Variants in NGLY1 observed in about 807,000 individuals in gnomAD.
The protein encoded by NGLY1 is peptide-N(4)-(N-acetyl-beta-glucosaminyl)asparagine amidase.
Under a neutral mutation model 84.6 loss-of-function variants are expected in NGLY1, and 68 were observed. The ratio of observed to expected loss-of-function variants is 0.80; its 90% CI spans 0.66 to 0.98. NGLY1 has a LOEUF of 0.98. Among genes scored for constraint, NGLY1 ranks in the 50% least tolerant of loss-of-function variants. NGLY1 has a pLI of 0.00. For synonymous variants in NGLY1, 280 were observed against 275.2 expected, an observed-to-expected ratio of 1.02 and a Z score of -0.17; for missense variants, 779 against 770.2, an observed-to-expected ratio of 1.01 and a Z score of -0.14.
intron 3 of NGLY1, among the ~76,000 whole-genome samples, chr3:25,762,471 G>T (rs1457885886): frequency 1.3e-5 from 2 of 152,186 alleles, no homozygotes; most frequent in Non-Finnish European, 2.9e-5. Flanking sequence ...TGAAGGACTA[G>T]AGTAGTAAGA....
At chr3:25,768,903 C>T (rs1707756943) in intron 2 of NGLY1, among the ~76,000 whole-genome samples, 2 of 151,794 alleles carry the variant, frequency 1.3e-5, no homozygotes, top group Non-Finnish European at 2.9e-5. Flanking sequence ...GGTATCACAT[C>T]AAATTAAAAA....
rs188229895 is a variant in NGLY1, at chr3:25,780,933, T to C, written c.132-2245A>G. 1.1e-4 allele frequency among the ~76,000 whole-genome samples: 17 copies of C among 152,320 alleles called. No individual in the cohort carries two copies. In the East Asian group the frequency reaches 3.1e-3, roughly 28 times the overall value. ...GATATATGTTGTTACCATTTAACTA[T>C]TGATATACAATATAGATTTTCCTCT... On this transcript the variant is annotated intron_variant, in intron 1 of 11. Coordinates refer to ENST00000280700, the MANE Select transcript of NGLY1 (RefSeq NM_018297.4).
Position 25,778,601 on chromosome 3 carries a change from T to G in NGLY1, c.219A>C (p.Glu73Asp). 1.2e-6 allele frequency: 2 copies of G among 1,611,126 alleles called. No homozygotes were observed. ...CTTCAAAGCCCATTTCAAATAAACA[T>G]TCAACAGCTCCTCTGACAGGCAAGA... ...TRLLPVRGAVECLFEMGFEEG... is the reference protein window; with the variant it reads ...TRLLPVRGAVDCLFEMGFEEG... Residue 73 changes from glutamate to aspartate, a missense_variant, in exon 2 of 12, where the codon GAA (glutamate) becomes GAC (aspartate). Physicochemically the swap from Glu to Asp is conservative, Grantham distance 45. Transcript: ENST00000280700.
rs1039639442 is a variant in NGLY1, at chr3:25,755,058, G to A, written c.493-3795C>T. On this transcript the variant is annotated intron_variant, in intron 3 of 11. Coordinates refer to ENST00000280700, the MANE Select transcript of NGLY1 (RefSeq NM_018297.4). The stretch of plus-strand genomic sequence containing the variant: ...AATCAAATTTTGGAATTTGCTTTCC[G>A]AAATGTGACTACAATTCTGGATGAT... 103 of 1,384,286 alleles carry A rather than the reference G, an allele frequency of 7.4e-5. No homozygotes were observed. In the African/African-American group the frequency reaches 9.7e-4, roughly 13 times the overall value. 85.8% of individuals were successfully genotyped at this position (1,384,286 alleles called of 1,614,324 possible).
At chr3:25,762,856 A>G (rs1407174803) in intron 3 of NGLY1, among the ~76,000 whole-genome samples, 1 of 152,194 alleles carries the variant, frequency 6.6e-6, no homozygotes, top group Non-Finnish European at 1.5e-5. Context: ...CGGGAGGCGC[A>G]GGCTATAGAA....
At chr3:25,755,467 AT>A in intron 3 of NGLY1, 1 of 1,465,000 alleles carries the variant, frequency 6.8e-7, no homozygotes, top group Non-Finnish European at 9.6e-7. Flanking sequence ...CAAGCCAAAG[AT>A]TTAACAGTGC....
intron 3 of NGLY1, among the ~76,000 whole-genome samples, chr3:25,757,280 T>C (rs1707090000): frequency 6.6e-6 from 1 of 152,192 alleles, no homozygotes; most frequent in African/African-American, 2.4e-5. Context: ...ATTACTTGAA[T>C]GTTCTCAGGG....
chr3:25,737,230 C>T, intron 6 of NGLY1, 104 bp downstream of exon 6: 2 of 976,870 alleles, frequency 2.0e-6, no homozygotes, highest in Non-Finnish European at 2.9e-6. Context: ...GAAGGTCAGA[C>T]TGACAAGGCC....
At chr3:25,781,031 T>C (rs768093042) in intron 1 of NGLY1, among the ~76,000 whole-genome samples, 8 of 152,112 alleles carry the variant, frequency 5.3e-5, no homozygotes, top group Non-Finnish European at 8.8e-5. Context: ...TAGAATGCAG[T>C]GGCATGATTA....
intron 4 of NGLY1, among the ~76,000 whole-genome samples, chr3:25,740,948 G>A (rs1433184670): frequency 5.3e-5 from 8 of 151,958 alleles, no homozygotes; most frequent in Non-Finnish European, 1.0e-4. Flanking sequence ...CCAACATGGT[G>A]AAACTTCGTC....
chr3:25,732,985 A>G (rs1016986683), intron 8 of NGLY1, among the ~76,000 whole-genome samples: 1 of 152,232 alleles, frequency 6.6e-6, no homozygotes, highest in Non-Finnish European at 1.5e-5. Flanking sequence ...TCATTTGTCA[A>G]TTATTAAGTG....
intron 2 of NGLY1, among the ~76,000 whole-genome samples, chr3:25,777,170 C>T (rs1708189929): frequency 1.3e-5 from 2 of 152,152 alleles, no homozygotes; most frequent in African/African-American, 4.8e-5. Flanking sequence ...CCAAGGCGGG[C>T]GGATCGCCTG....
chr3:25,767,291 C>CAA (rs545173545), intron 2 of NGLY1, among the ~76,000 whole-genome samples: 58 of 89,522 alleles, frequency 6.5e-4, no homozygotes, highest in African/African-American at 2.2e-3. Context: ...GACTCCGTCT[C>CAA]AAAAAAAAAA....
intron 9 of NGLY1, among the ~76,000 whole-genome samples, chr3:25,732,096 T>TA (rs1044318958): frequency 1.3e-5 from 2 of 151,996 alleles, no homozygotes; most frequent in Non-Finnish European, 2.9e-5. Context: ...TTACATAAGG[T>TA]AAAAAAAATT....
At chr3:25,721,794 C>T (rs1705009452) in intron 10 of NGLY1, among the ~76,000 whole-genome samples, 1 of 146,042 alleles carries the variant, frequency 6.8e-6, no homozygotes, top group South Asian at 2.2e-4. Flanking sequence ...AAATCCTCCA[C>T]AATTTCATCC....
intron 1 of NGLY1, chr3:25,782,634 A>G (rs1708471122): frequency 1.3e-5 from 2 of 152,288 alleles, no homozygotes; most frequent in African/African-American, 4.8e-5. Flanking sequence ...GTTATGTTAC[A>G]TAGTAGAATC....
chr3:25,774,518 C>T (rs1008058487), intron 2 of NGLY1, among the ~76,000 whole-genome samples: 1 of 151,978 alleles, frequency 6.6e-6, no homozygotes, highest in African/African-American at 2.4e-5. Context: ...GTTATGTTTC[C>T]AGGGGGATTA....
intron 8 of NGLY1, among the ~76,000 whole-genome samples, chr3:25,733,466 C>CGT (rs60529800): frequency 0.024 from 3,275 of 134,076 alleles, 44 homozygotes; most frequent in African/African-American, 0.042. Flanking sequence ...CTCACATGGA[C>CGT]GTGTGTGTGT....
intron 2 of NGLY1, among the ~76,000 whole-genome samples, chr3:25,777,131 C>G (rs1708187827): frequency 6.6e-6 from 1 of 152,218 alleles, no homozygotes; most frequent in South Asian, 2.1e-4. Flanking sequence ...CACGGCGGCT[C>G]ACGCCTGTAA....
Sources: allele counts gnomAD v4.1 joint callset (sites outside exome capture counted in the v4.1 genomes callset), GRCh38; gene constraint gnomAD v4.1.1; transcripts MANE v1.5; gene names NCBI Gene and HGNC (gene_info 2026-07-23, HGNC 2026-07-21).